Variants in MACF1 observed in about 807,000 individuals in gnomAD.
MACF1 encodes microtubule actin crosslinking factor 1, also known as microtubule-actin cross-linking factor 1.
MACF1 carries 193 observed loss-of-function variants against 854.8 expected under a neutral mutation model. The observed-to-expected ratio is 0.23, with a 90% CI of 0.20 to 0.25. The LOEUF (loss-of-function observed/expected upper bound fraction) is 0.25, where lower values mean the gene tolerates loss of function less well. Among genes scored for constraint, MACF1 ranks in the 10% least tolerant of loss-of-function variants. The pLI, the probability that MACF1 is intolerant of heterozygous loss-of-function variation, is 1.00. For missense variants in MACF1, 7,722 were observed against 8,929.1 expected (o/e 0.86, Z 5.45); for synonymous variants, 3,185 against 3,226.7 (o/e 0.99, Z 0.44).
At chr1:39,193,816 C>T (rs1419004627) in intron 2 of MACF1, among the ~76,000 whole-genome samples, 1 of 151,866 alleles carries the variant, frequency 6.6e-6, no homozygotes, top group Admixed American at 6.6e-5. Flanking sequence ...GAGAGGCAGG[C>T]ACTTGGGTTT....
intron 97 of MACF1, among the ~76,000 whole-genome samples, chr1:39,476,945 C>CT (rs1570224293): frequency 1.3e-5 from 2 of 149,172 alleles, no homozygotes; most frequent in East Asian, 3.9e-4. Context: ...TTGCTGACCA[C>CT]TTCTCCCTGC....
At chr1:39,242,425 G>A (rs1425310632) in intron 2 of MACF1, among the ~76,000 whole-genome samples, 3 of 151,408 alleles carry the variant, frequency 2.0e-5, no homozygotes, top group African/African-American at 7.3e-5. Context: ...ATTGGACTTG[G>A]TCTCTCAAAA....
rs1569638201 is a variant in MACF1 at position 39,350,905 on chromosome 1, G to A, written c.11086G>A (p.Glu3696Lys). 1 of 1,614,096 alleles carries A rather than the reference G, an allele frequency of 6.2e-7. No individual in the cohort carries two copies. Among genetic ancestry groups the A allele is most frequent in the East Asian group, 2.2e-5 (1 of 44,874 alleles). The part of the protein sequence containing the change: ...LSPRELTALR[E>K]KLHQAKEQYE... ...CCCACGTGAGTTGACAGCTCTTCGG[G>A]AAAAGCTTCATCAGGCTAAGGAGCA... Residue 3696 changes from glutamate to lysine, a missense_variant, in exon 43 of 101, where the codon GAA becomes AAA. Glu to Lys is a moderately conservative substitution (Grantham distance 56). Around this residue, in one of 15 missense-constraint regions of MACF1, gnomAD observed 2,807 missense variants for 3,235.8 expected, o/e 0.87. Transcript: ENST00000564288.
chr1:39,236,947 G>A (rs1435296460), intron 2 of MACF1, among the ~76,000 whole-genome samples: 1 of 152,160 alleles, frequency 6.6e-6, no homozygotes, highest in African/African-American at 2.4e-5. Flanking sequence ...GAGCCACCGC[G>A]TCCAGCCGTG....
At chr1:39,191,199 C>T (rs200114826) in intron 2 of MACF1, among the ~76,000 whole-genome samples, 7 of 135,448 alleles carry the variant, frequency 5.2e-5, no homozygotes, top group African/African-American at 8.1e-5. Context: ...TTCTTTCTTT[C>T]TTTTTTTTTT....
chr1:39,120,964 T>A (rs1181624803), intron 2 of MACF1: 2 of 152,396 alleles, frequency 1.3e-5, no homozygotes, highest in East Asian at 3.8e-4. Context: ...CTTCACGAAT[T>A]TGTGTGTCAT....
intron 49 of MACF1, among the ~76,000 whole-genome samples, chr1:39,362,688 C>T (rs1648302960): frequency 6.6e-6 from 1 of 152,118 alleles, no homozygotes; most frequent in African/African-American, 2.4e-5. Flanking sequence ...ATTTCCTTGT[C>T]CCCTATCTGA....
intron 2 of MACF1, among the ~76,000 whole-genome samples, chr1:39,109,108 G>C (rs1642327889): frequency 6.6e-6 from 1 of 152,142 alleles, no homozygotes; most frequent in African/African-American, 2.4e-5. Context: ...TCCAGTCCTA[G>C]TTTTTGCCAG....
At position 39,429,247 on chromosome 1, in the gene MACF1, A is replaced by T. The variant is rs768344317; in HGVS notation, c.16809A>T (p.Leu5603Phe). 2.0e-6 allele frequency: 3 copies of T among 1,518,240 alleles called. No individual in the cohort carries two copies. The highest frequency in any genetic ancestry group is 2.3e-5 in the South Asian group (2 of 88,266). The allele number at this position is 1,518,240 out of a possible 1,614,324, so 94.0% of individuals were successfully genotyped here. A position where few individuals can be genotyped will look rare whatever the true frequency, so the allele number is the denominator to read the frequency against. Residue 5603 changes from leucine (L) to phenylalanine (F), a missense_variant, in exon 64 of 101, where the codon TTA (leucine) becomes TTT (phenylalanine). Physicochemically the swap from Leu to Phe is conservative, Grantham distance 22. Around this residue, in one of 15 missense-constraint regions of MACF1, gnomAD observed 2,807 missense variants for 3,235.8 expected, o/e 0.87. Transcript: ENST00000564288. ...ATGGTATTCTTTCCTTTCAGGCTTTAAATGAAGAAATTGTTAATAGAAAGA... is the reference window on the plus strand; with the variant it reads ...ATGGTATTCTTTCCTTTCAGGCTTTTAATGAAGAAATTGTTAATAGAAAGA... ...LHRQHADHLA[L>F]NEEIVNRKKN...
intron 51 of MACF1, among the ~76,000 whole-genome samples, chr1:39,371,465 G>T (rs1366634798): frequency 6.6e-6 from 1 of 152,134 alleles, no homozygotes; most frequent in Non-Finnish European, 1.5e-5. Flanking sequence ...GATTGTCAGG[G>T]ATATTCAGTA....
intron 1 of MACF1, among the ~76,000 whole-genome samples, chr1:39,230,037 A>G (rs1644760620): frequency 6.6e-6 from 1 of 152,218 alleles, no homozygotes; most frequent in Non-Finnish European, 1.5e-5. Context: ...AGCCACTGCA[A>G]TATGTGTGTC....
At chr1:39,274,448 A>C (rs1645393869) in intron 6 of MACF1, among the ~76,000 whole-genome samples, 1 of 150,724 alleles carries the variant, frequency 6.6e-6, no homozygotes, top group Non-Finnish European at 1.5e-5. Flanking sequence ...TACAGACTTC[A>C]TTATTCCCTA....
chr1:39,103,807 C>T (rs1642153874), intron 2 of MACF1: 1 of 152,192 alleles, frequency 6.6e-6, no homozygotes, highest in Non-Finnish European at 1.5e-5. Context: ...GGCAGGCCAG[C>T]AAAACTTGAT....
intron 40 of MACF1, among the ~76,000 whole-genome samples, chr1:39,343,172 T>A (rs1457281093): frequency 6.6e-6 from 1 of 152,208 alleles, no homozygotes; most frequent in South Asian, 2.1e-4. Flanking sequence ...TTTGTTCTAT[T>A]TAAGATTATT....
intron 2 of MACF1, among the ~76,000 whole-genome samples, chr1:39,100,810 C>T (rs1006887792): frequency 2.7e-4 from 41 of 151,876 alleles, no homozygotes; most frequent in African/African-American, 9.2e-4. Flanking sequence ...GCCCAGACTG[C>T]GCCATTGCAC....
rs763217603 is a variant in MACF1, at chr1:39,285,145, A to G, written c.1194A>G (p.Glu398=). Residue 398 remains glutamate (E), a synonymous_variant, in exon 12 of 101, where the codon GAA becomes GAG. Transcript: ENST00000564288. ...PQGYHPNDVE[E]EWGKLIIEML... Reference sequence around the variant, plus strand: ...GTTATCACCCTAATGATGTGGAAGAAGAGTGGGGAAAGCTCATCATAGAGA... The same window carrying G: ...GTTATCACCCTAATGATGTGGAAGAGGAGTGGGGAAAGCTCATCATAGAGA... 4.3e-6 allele frequency: 7 copies of G among 1,614,108 alleles called. No homozygotes were observed. In the South Asian group the frequency reaches 7.7e-5, roughly 18 times the overall value.
chr1:39,323,340 A>T (rs1646547259), intron 33 of MACF1, among the ~76,000 whole-genome samples: 1 of 152,098 alleles, frequency 6.6e-6, no homozygotes. Context: ...CTCAAAAAAA[A>T]GCCCAAAATA....
chr1:39,094,302 C>G (rs1641882654), intron 2 of MACF1, among the ~76,000 whole-genome samples: 1 of 151,902 alleles, frequency 6.6e-6, no homozygotes, highest in Non-Finnish European at 1.5e-5. Context: ...GCAAAATTAG[C>G]CAGGCAGGAG....
intron 2 of MACF1, among the ~76,000 whole-genome samples, chr1:39,107,346 TCTCA>T (rs1233794272): frequency 3.3e-5 from 5 of 151,906 alleles, no homozygotes; most frequent in South Asian, 2.1e-4. Flanking sequence ...TTTTTAGCTG[TCTCA>T]CTCAGTTTGG....
Sources: allele counts gnomAD v4.1 joint callset (sites outside exome capture counted in the v4.1 genomes callset), GRCh38; gene constraint gnomAD v4.1.1; regional missense constraint gnomAD v4.1.1; transcripts MANE v1.5; gene names NCBI Gene and HGNC (gene_info 2026-07-23, HGNC 2026-07-21).